SYTL4: variants seen among roughly 807,000 people sequenced by gnomAD.
SYTL4 encodes the protein synaptotagmin like 4.
Under a neutral mutation model 52.7 loss-of-function variants are expected in SYTL4, and 16 were observed. That is an observed-to-expected ratio of 0.30 (90% confidence interval 0.21 to 0.46). SYTL4 has a LOEUF of 0.46. Among genes scored for constraint, SYTL4 ranks in the 20% least tolerant of loss-of-function variants. The pLI is 1.00. For synonymous variants in SYTL4, 160 were observed against 186.6 expected, an observed-to-expected ratio of 0.86 and a Z score of 1.16; for missense variants, 423 against 519.9, an observed-to-expected ratio of 0.81 and a Z score of 1.81.
intron 2 of SYTL4, among the ~76,000 whole-genome samples, chrX:100,709,433 C>T (rs898474857): frequency 8.9e-6 from 1 of 111,800 alleles, no homozygotes; most frequent in Non-Finnish European, 1.9e-5. Flanking sequence ...ACCTGGGAGG[C>T]GGAAGTTGCA....
intron 8 of SYTL4, among the ~76,000 whole-genome samples, chrX:100,697,706 C>G (rs1343262229): frequency 9.1e-6 from 1 of 109,565 alleles, no homozygotes; most frequent in Non-Finnish European, 1.9e-5. Flanking sequence ...AAGAACAAAT[C>G]AAAACCTAAA....
At chrX:100,708,121 G>A (rs2083997080) in intron 2 of SYTL4, among the ~76,000 whole-genome samples, 1 of 109,623 alleles carries the variant, frequency 9.1e-6, no homozygotes, top group Non-Finnish European at 1.9e-5. Context: ...AATACCTAAT[G>A]TAGATGACGG....
intron 2 of SYTL4, among the ~76,000 whole-genome samples, chrX:100,708,440 T>C (rs946655973): frequency 1.6e-4 from 18 of 111,757 alleles, no homozygotes; most frequent in African/African-American, 5.9e-4. Context: ...ATAAGCTTGA[T>C]CTAAAGGACA....
chrX:100,692,135 T>C (rs986790026), intron 8 of SYTL4, among the ~76,000 whole-genome samples: 11 of 111,815 alleles, frequency 9.8e-5, no homozygotes, highest in African/African-American at 2.9e-4. Flanking sequence ...TCTCCTTATA[T>C]GTCAATTCCT....
Position 100,701,519 on chromosome X carries a change from G to T in SYTL4, c.265C>A (p.Arg89=), listed in dbSNP as rs765370816. ...TTGCTTTCCTGTATGCGGCAGTCCC[G>T]ACACACCAGGTGATTACAACCCCGA... ...TCRGCNHLVC[R]DCRIQESNGT... is the part of the protein sequence containing the mutation. The change falls in exon 6 of 20, where the codon CGG becomes AGG. Residue 89 remains arginine (R), a synonymous_variant. Coordinates refer to ENST00000372989, the MANE Select transcript of SYTL4 (RefSeq NM_001370165.1). 92 of 1,209,788 alleles carry T rather than the reference G, an allele frequency of 7.6e-5. No individual in the cohort carries two copies. In the Admixed American group the frequency reaches 2.0e-3, roughly 26 times the overall value.
At chrX:100,718,981 A>T (rs2084284416) in intron 2 of SYTL4, among the ~76,000 whole-genome samples, 1 of 110,024 alleles carries the variant, frequency 9.1e-6, no homozygotes. Context: ...TATTTTTAGT[A>T]GAGACAGGGT....
chrX:100,726,811 G>A (rs2084528624), intron 2 of SYTL4, among the ~76,000 whole-genome samples: 1 of 110,382 alleles, frequency 9.1e-6, no homozygotes, highest in African/African-American at 3.3e-5. Context: ...AAATTTATGG[G>A]GTACACATGC....
intron 2 of SYTL4, among the ~76,000 whole-genome samples, chrX:100,725,927 A>T (rs1199497701): frequency 9.0e-6 from 1 of 111,504 alleles, no homozygotes; most frequent in Non-Finnish European, 1.9e-5. Flanking sequence ...AGAGCTACAA[A>T]CAAGAAGCAG....
At chrX:100,709,789 C>G (rs764092730) in intron 2 of SYTL4, among the ~76,000 whole-genome samples, 1 of 112,204 alleles carries the variant, frequency 8.9e-6, no homozygotes, top group Non-Finnish European at 1.9e-5. Context: ...TTTGTGCTTT[C>G]GGACTTAACT....
In SYTL4 at chrX:100,701,570, G is replaced by C; in HGVS notation, c.214C>G (p.Arg72Gly). 8.3e-7 allele frequency: 1 copy of C among 1,211,274 alleles called. No homozygotes were observed. The highest frequency in any genetic ancestry group is 1.1e-6 in the Non-Finnish European group (1 of 895,226). The part of the protein sequence containing the change: ...TCARCQESLG[R>G]LSPKTNTCRG... ...CAAGTATTGGTTTTGGGACTCAAAC[G>C]GCCCAGGCTCTCCTGGCACCGGGCA... is the stretch of plus-strand genomic sequence containing the variant. The change falls in exon 6 of 20, where the codon CGT becomes GGT. Residue 72 changes from arginine to glycine, a missense_variant. Transcript: ENST00000372989.
rs1030028739 is a variant in SYTL4, at chrX:100,690,018, C to T, written c.808+57G>A. 10 of 1,153,679 alleles carry T rather than the reference C, an allele frequency of 8.7e-6. No individual in the cohort carries two copies. In the Middle Eastern group the frequency reaches 1.7e-3, roughly 191 times the overall value. On this transcript the variant is annotated intron_variant, in intron 11 of 19. Coordinates refer to ENST00000372989, the MANE Select transcript of SYTL4 (RefSeq NM_001370165.1). The stretch of plus-strand genomic sequence containing the variant: ...GACCTATTCTTCTCCATACCAAGAG[C>T]CCATCAAGGGTACTCAGAACTTCAG...
At chrX:100,694,093 G>A (rs1406132047) in intron 8 of SYTL4, among the ~76,000 whole-genome samples, 1 of 112,088 alleles carries the variant, frequency 8.9e-6, no homozygotes, top group Non-Finnish European at 1.9e-5. Context: ...AAATTAGATA[G>A]TGGTGATCTA....
rs755705478 is a variant in SYTL4 at position 100,678,543 on chromosome X, T to C, written c.1715A>G (p.Lys572Arg). 50 of 1,209,683 alleles carry C rather than the reference T, an allele frequency of 4.1e-5. No homozygotes were observed. The highest frequency in any genetic ancestry group is 5.3e-5 in the Non-Finnish European group (47 of 895,073). The part of the protein sequence containing the change: ...ASKRKTPVMK[K>R]TLNPHYNHTF... The stretch of plus-strand genomic sequence containing the variant: ...ATGGTTGTAGTGAGGATTCAGGGTC[T>C]TCTTCATCACAGGAGTTTTACGTTT... Residue 572 changes from lysine (K) to arginine (R), a missense_variant, in exon 19 of 20, where the codon AAG (lysine) becomes AGG (arginine). Lys to Arg is a conservative substitution (Grantham distance 26). Transcript: ENST00000372989.
chrX:100,678,291 G>T, intron 19 of SYTL4, 100 bp downstream of exon 19: 1 of 584,944 alleles, frequency 1.7e-6, no homozygotes, highest in Non-Finnish European at 2.8e-6. Context: ...GAAGACAACT[G>T]TCATCACAGA....
At chrX:100,680,534 A>G (rs1435703124) in intron 17 of SYTL4, among the ~76,000 whole-genome samples, 1 of 110,933 alleles carries the variant, frequency 9.0e-6, no homozygotes, top group Admixed American at 9.7e-5. Context: ...CATCTAGTGT[A>G]CCAGAACTCC....
At chrX:100,688,186 A>T in intron 13 of SYTL4, 165 bp downstream of exon 13, 1 of 426,347 alleles carries the variant, frequency 2.3e-6, no homozygotes, top group Non-Finnish European at 4.1e-6. Context: ...GATGTACACT[A>T]AGCACCTATA....
At chrX:100,721,882 A>G (rs2084347708) in intron 2 of SYTL4, among the ~76,000 whole-genome samples, 1 of 110,283 alleles carries the variant, frequency 9.1e-6, no homozygotes, top group Non-Finnish European at 1.9e-5. Context: ...GCTCACTGCA[A>G]CCACTGCCTC....
chrX:100,730,697 C>G (rs987567148), intron 2 of SYTL4, among the ~76,000 whole-genome samples: 12 of 111,302 alleles, frequency 1.1e-4, no homozygotes, highest in African/African-American at 3.9e-4. Flanking sequence ...ACTGCTCTGA[C>G]CAAGAGTGAG....
chrX:100,695,128 CAT>C (rs912769028), intron 8 of SYTL4, among the ~76,000 whole-genome samples: 5 of 98,578 alleles, frequency 5.1e-5, no homozygotes, highest in African/African-American at 1.9e-4. Context: ...AAGATTAATA[CAT>C]ACCAATCCAC....
Sources: allele counts gnomAD v4.1 joint callset (sites outside exome capture counted in the v4.1 genomes callset), GRCh38; gene constraint gnomAD v4.1.1; transcripts MANE v1.5; gene names NCBI Gene and HGNC (gene_info 2026-07-23, HGNC 2026-07-21).